Variants in LINGO2 observed in about 807,000 individuals in gnomAD.
LINGO2 encodes the protein leucine-rich repeat and immunoglobulin-like domain-containing nogo receptor-interacting protein 2.
Under a neutral mutation model 30.6 loss-of-function variants are expected in LINGO2, and 14 were observed. The ratio of observed to expected loss-of-function variants is 0.46; its 90% CI spans 0.30 to 0.72. LINGO2 has a LOEUF of 0.72. Ranked by LOEUF, LINGO2 falls within the 30% of genes least tolerant of loss-of-function variation. The pLI, the probability that LINGO2 is intolerant of heterozygous loss-of-function variation, is 0.07. For synonymous variants in LINGO2, 317 were observed against 288.5 expected (o/e 1.10, Z -1.00); for missense variants, 729 against 751.7 (o/e 0.97, Z 0.35).
At chr9:28,748,019 T>A in the LINGO2 span, among the ~76,000 whole-genome samples, 1 of 152,198 alleles carries the variant, frequency 6.6e-6, no homozygotes, top group African/African-American at 2.4e-5. Flanking sequence ...AAGGAACAAC[T>A]TTCTTTGCAA....
At chr9:28,992,912 G>A in the LINGO2 span, among the ~76,000 whole-genome samples, 4 of 151,648 alleles carry the variant, frequency 2.6e-5, no homozygotes, top group East Asian at 1.9e-4. Context: ...AGAGTAAGCA[G>A]GAAAGATCCA....
At chr9:28,808,440 C>T in the LINGO2 span, among the ~76,000 whole-genome samples, 2 of 152,108 alleles carry the variant, frequency 1.3e-5, no homozygotes, top group Non-Finnish European at 2.9e-5. Flanking sequence ...AACATTCTGA[C>T]CTTTCTGGTA....
chr9:28,445,390 C>T (rs767427673), intron 2 of LINGO2, among the ~76,000 whole-genome samples: 3 of 152,160 alleles, frequency 2.0e-5, no homozygotes, highest in Admixed American at 6.5e-5. Context: ...AGAACTTGCT[C>T]ATCTTCCGCA....
chr9:28,154,851 C>T (rs1278441808), intron 4 of LINGO2, among the ~76,000 whole-genome samples: 3 of 152,126 alleles, frequency 2.0e-5, no homozygotes, highest in Admixed American at 2.0e-4. Context: ...CTTTTAAAAA[C>T]TCAAACTAGT....
chr9:28,519,603 G>A (rs1820755387), intron 1 of LINGO2, among the ~76,000 whole-genome samples: 1 of 152,156 alleles, frequency 6.6e-6, no homozygotes, highest in Admixed American at 6.5e-5. Context: ...GCTGCAAAAA[G>A]TTACAGCCCC....
the LINGO2 span, among the ~76,000 whole-genome samples, chr9:28,749,181 A>G: frequency 6.6e-6 from 1 of 151,884 alleles, no homozygotes; most frequent in Non-Finnish European, 1.5e-5. Context: ...TCATGTTTCT[A>G]ACCTTAACAT....
chr9:28,265,822 G>A lies in LINGO2; in HGVS notation c.-87+29386C>T, dbSNP rs529433580. 6.6e-5 allele frequency among the ~76,000 whole-genome samples: 10 copies of A among 151,982 alleles called. No individual in the cohort carries two copies. The South Asian group carries it at 2.1e-3, about 32-fold the overall frequency. On this transcript the variant is annotated intron_variant, in intron 4 of 5. Transcript: ENST00000379992. Reference sequence around the variant, plus strand: ...ATAAATGGGCCCAAACAAAAGTAGAGGTCTTATTACCACCTTTCTGAAAGC... The same window carrying A: ...ATAAATGGGCCCAAACAAAAGTAGAAGTCTTATTACCACCTTTCTGAAAGC...
chr9:28,723,317 A>C, the LINGO2 span, among the ~76,000 whole-genome samples: 1 of 152,222 alleles, frequency 6.6e-6, no homozygotes, highest in Admixed American at 6.5e-5. Context: ...TATTTTCAAT[A>C]TTCTATATAT....
chr9:29,136,941 A>C, the LINGO2 span, among the ~76,000 whole-genome samples: 2 of 151,600 alleles, frequency 1.3e-5, no homozygotes, highest in Non-Finnish European at 2.9e-5. Context: ...TGAATGATAT[A>C]GTTATATACA....
At chr9:28,751,201 G>C in the LINGO2 span, among the ~76,000 whole-genome samples, 6 of 144,558 alleles carry the variant, frequency 4.2e-5, no homozygotes, top group South Asian at 1.3e-3. Flanking sequence ...TGAGATCAGA[G>C]GATCATTTCA....
chr9:28,951,502 G>A, the LINGO2 span, among the ~76,000 whole-genome samples: 2 of 152,016 alleles, frequency 1.3e-5, no homozygotes, highest in Non-Finnish European at 2.9e-5. Flanking sequence ...AGTCATTTCT[G>A]CCTACCGATT....
chr9:29,093,814 A>T, the LINGO2 span, among the ~76,000 whole-genome samples: 3 of 137,896 alleles, frequency 2.2e-5, 1 homozygote, highest in South Asian at 6.7e-4. Context: ...GGAAGAAAAT[A>T]GTGGAAATTG....
chr9:28,490,647 G>C (rs1176697130), intron 1 of LINGO2, among the ~76,000 whole-genome samples: 1 of 152,174 alleles, frequency 6.6e-6, no homozygotes, highest in African/African-American at 2.4e-5. Context: ...CTCAGATTAT[G>C]TGAAGTGTCC....
the LINGO2 span, among the ~76,000 whole-genome samples, chr9:28,965,826 A>C: frequency 6.6e-6 from 1 of 152,148 alleles, no homozygotes; most frequent in Non-Finnish European, 1.5e-5. Context: ...GAGAAACTAT[A>C]AGTAAATATA....
chr9:28,400,921 G>T (rs982832075), intron 2 of LINGO2, among the ~76,000 whole-genome samples: 11 of 152,088 alleles, frequency 7.2e-5, no homozygotes, highest in African/African-American at 2.4e-4. Flanking sequence ...TTTATGTTCT[G>T]CAAAAGTCTG....
At chr9:28,239,046 A>G (rs1821682467) in intron 4 of LINGO2, among the ~76,000 whole-genome samples, 1 of 152,104 alleles carries the variant, frequency 6.6e-6, no homozygotes, top group Admixed American at 6.5e-5. Context: ...TCTAGAATAA[A>G]TAAAAAATTC....
the LINGO2 span, among the ~76,000 whole-genome samples, chr9:29,049,692 A>G: frequency 1.3e-5 from 2 of 152,220 alleles, no homozygotes; most frequent in African/African-American, 2.4e-5. Context: ...AACCAGGCCC[A>G]GAAAAACAAA....
At chr9:28,259,331 T>C (rs2134038784) in intron 4 of LINGO2, among the ~76,000 whole-genome samples, 1 of 152,208 alleles carries the variant, frequency 6.6e-6, no homozygotes, top group East Asian at 1.9e-4. Flanking sequence ...TGTGTTTTAA[T>C]TGAAAACCTA....
intron 2 of LINGO2, among the ~76,000 whole-genome samples, chr9:28,410,420 G>T (rs1430145222): frequency 1.3e-5 from 2 of 152,062 alleles, no homozygotes; most frequent in African/African-American, 4.8e-5. Context: ...AACTGCACAG[G>T]CATAAAAATA....
Sources: allele counts gnomAD v4.1 joint callset (sites outside exome capture counted in the v4.1 genomes callset), GRCh38; gene constraint gnomAD v4.1.1; transcripts MANE v1.5; gene names NCBI Gene and HGNC (gene_info 2026-07-23, HGNC 2026-07-21).